Variants in ZBTB32 observed in about 807,000 individuals in gnomAD.
ZBTB32 encodes zinc finger and BTB domain containing 32.
A neutral mutation model predicts 45.3 loss-of-function variants in ZBTB32; 28 were observed. The observed-to-expected ratio is 0.62, with a 90% CI of 0.46 to 0.85. The LOEUF (loss-of-function observed/expected upper bound fraction) is 0.85, where lower values mean the gene tolerates loss of function less well. ZBTB32 is among the 40% of genes least tolerant of loss of function. The probability of loss-of-function intolerance (pLI) is 0.00; values close to 1 mark genes in which losing one functional copy is unlikely to be tolerated. For synonymous variants in ZBTB32, 283 were observed against 255.7 expected (o/e 1.11, Z -1.02); for missense variants, 587 against 624.4 (o/e 0.94, Z 0.64).
intron 3 of ZBTB32, 121 bp downstream of exon 3, chr19:35,715,628 C>G: frequency 1.4e-6 from 2 of 1,475,458 alleles, no homozygotes; most frequent in Non-Finnish European, 1.8e-6. Flanking sequence ...GGGGAAGAGA[C>G]AAGAAGCTGC....
At position 35,714,707 on chromosome 19, in the gene ZBTB32, A is replaced by G. The variant is rs769748916; in HGVS notation, c.81A>G (p.Ala27=). 5.0e-6 allele frequency: 8 copies of G among 1,613,076 alleles called. No individual in the cohort carries two copies. Among genetic ancestry groups the G allele is most frequent in the Non-Finnish European group, 6.8e-6 (8 of 1,179,656 alleles). Residue 27 remains alanine, a synonymous_variant, in exon 3 of 7, where the codon GCA becomes GCG. Coordinates refer to ENST00000392197, the MANE Select transcript of ZBTB32 (RefSeq NM_014383.3). ...LVQLAARLRP[A]LCDTLITVGS... ...AGCTAGCAGCCAGGCTCCGGCCAGC[A>G]CTCTGTGATACTCTGATCACCGTAG...
Position 35,714,804 on chromosome 19 carries a change from T to A in ZBTB32, c.178T>A (p.Trp60Arg). Reference protein sequence around the residue: ...VSQQLGRRGQWALGEGISPST... With the variant: ...VSQQLGRRGQRALGEGISPST... ...CCAGCAGCTGGGCCGCAGGGGCCAG[T>A]GGGCTCTGGGAGAAGGCATCAGCCC... Residue 60 changes from tryptophan to arginine, a missense_variant, in exon 3 of 7, where the codon TGG becomes AGG. Physicochemically the swap from Trp to Arg is moderately radical, Grantham distance 101. Coordinates refer to ENST00000392197, the MANE Select transcript of ZBTB32 (RefSeq NM_014383.3). 6.2e-7 allele frequency: 1 copy of A among 1,614,024 alleles called. No homozygotes were observed. The highest frequency in any genetic ancestry group is 8.5e-7 in the Non-Finnish European group (1 of 1,179,972).
rs1393856145 is a variant in ZBTB32, at chr19:35,717,008, A to G, written c.*256A>G. On this transcript the variant is annotated 3_prime_UTR_variant, in exon 7 of 7. Coordinates refer to ENST00000392197, the MANE Select transcript of ZBTB32 (RefSeq NM_014383.3). ...AGGGGAGATTGTCGATCTCATCACC[A>G]TAATAAAGAGTTTCCTGTGCCCTCC... is the stretch of plus-strand genomic sequence containing the variant. The G allele has an allele frequency of 3.7e-6, 2 of 541,396 alleles. No homozygotes were observed. The highest frequency in any genetic ancestry group is 1.9e-5 in the African/African-American group (1 of 52,868). The allele number at this position is 541,396 out of a possible 1,614,324, so 33.5% of individuals were successfully genotyped here. A position where few individuals can be genotyped will look rare whatever the true frequency, so the allele number is the denominator to read the frequency against.
In ZBTB32 at chr19:35,715,482, T is replaced by C. The variant is rs150792375; in HGVS notation, c.856T>C (p.Trp286Arg). 17 of 1,553,128 alleles carry C rather than the reference T, an allele frequency of 1.1e-5. No individual in the cohort carries two copies. Among genetic ancestry groups the C allele is most frequent in the Non-Finnish European group, 1.5e-5 (17 of 1,151,526 alleles). The change falls in exon 3 of 7, where the codon TGG (tryptophan) becomes CGG (arginine). Residue 286 changes from tryptophan to arginine, a missense_variant. Physicochemically the swap from Trp to Arg is moderately radical, Grantham distance 101. Coordinates refer to ENST00000392197, the MANE Select transcript of ZBTB32 (RefSeq NM_014383.3). ...FYHSTPTTGA[W>R]QEVWREQRIP... ...CCATAGCACCCCCACCACTGGAGCC[T>C]GGCAGGAGGTCTGGCGGGAACAGAG...
Position 35,716,561 on chromosome 19 carries a change from G to A in ZBTB32, c.1273G>A (p.Ala425Thr), listed in dbSNP as rs1568363332. The A allele has an allele frequency of 1.2e-6, 2 of 1,613,170 alleles. No homozygotes were observed. The highest frequency in any genetic ancestry group is 2.2e-5 in the East Asian group (1 of 44,862). ...AMTKHLRTHG[A>T]APYRCSLCGA... ...GACCAAGCACCTGCGGACACACGGG[G>A]CCGCTCCGTACCGCTGCTCCCTGTG... The change falls in exon 7 of 7, where the codon GCC (alanine) becomes ACC (threonine). Residue 425 changes from alanine (A) to threonine (T), a missense_variant. Ala to Thr is a moderately conservative substitution (Grantham distance 58). Transcript: ENST00000392197.
At chr19:35,714,294 C>T (rs1968789786) in intron 2 of ZBTB32, 1 of 215,372 alleles carries the variant, frequency 4.6e-6, no homozygotes, top group Non-Finnish European at 9.1e-6. Context: ...AACTGGCAGA[C>T]TTCCCGCACG....
In ZBTB32 at chr19:35,716,821, A is replaced by T. The variant is rs1429860828; in HGVS notation, c.*69A>T. The T allele has an allele frequency of 2.6e-6, 4 of 1,525,626 alleles. No individual in the cohort carries two copies. The highest frequency in any genetic ancestry group is 3.5e-6 in the Non-Finnish European group (4 of 1,131,092). The allele number at this position is 1,525,626 out of a possible 1,614,324, so 94.5% of individuals were successfully genotyped here. ...GAAAAGCGGGCCGGCTCGGCTTCTG[A>T]CCTGGCACCGCTGCTACGGCGGCCT... On this transcript the variant is annotated 3_prime_UTR_variant, in exon 7 of 7. Transcript: ENST00000392197.
intron 6 of ZBTB32, 38 bp from the exon 7 acceptor site, chr19:35,716,440 T>C (rs928844453): frequency 4.4e-6 from 7 of 1,588,912 alleles, no homozygotes; most frequent in Non-Finnish European, 6.0e-6. Flanking sequence ...CGCCGCCTTC[T>C]TCCTTCCTTC....
At chr19:35,709,519 GC>G (rs1276727695) in intron 1 of ZBTB32, among the ~76,000 whole-genome samples, 1 of 152,140 alleles carries the variant, frequency 6.6e-6, no homozygotes, top group African/African-American at 2.4e-5. Context: ...GCCAGGGTGT[GC>G]CCCGAGCCCC....
chr19:35,712,011 C>A (rs1224521388), intron 1 of ZBTB32, among the ~76,000 whole-genome samples: 1 of 113,478 alleles, frequency 8.8e-6, no homozygotes, highest in Admixed American at 1.3e-4. Context: ...GGAGACAGAG[C>A]GAGACTGCGT....
intron 1 of ZBTB32, among the ~76,000 whole-genome samples, chr19:35,709,177 T>C (rs1455813273): frequency 6.6e-6 from 1 of 152,158 alleles, no homozygotes; most frequent in Non-Finnish European, 1.5e-5. Context: ...TTAATCTATA[T>C]AAAATGCTGT....
intron 1 of ZBTB32, among the ~76,000 whole-genome samples, chr19:35,709,608 T>C (rs1968634583): frequency 6.6e-6 from 1 of 152,126 alleles, no homozygotes; most frequent in Non-Finnish European, 1.5e-5. Flanking sequence ...AGGCCAGGCG[T>C]GGTGCCTCAT....
rs1403575523 is a variant in ZBTB32 at position 35,712,967 on chromosome 19, C to G, written c.-171C>G. ...GAAACAACCATACCACTGAATGCTA[C>G]TGTGTACTTACAAACCACACTCATA... is the stretch of plus-strand genomic sequence containing the variant. On this transcript the variant is annotated 5_prime_UTR_variant, in exon 2 of 7. Coordinates refer to ENST00000392197, the MANE Select transcript of ZBTB32 (RefSeq NM_014383.3). 6.6e-6 allele frequency: 1 copy of G among 152,272 alleles called. No homozygotes were observed. Among genetic ancestry groups the G allele is most frequent in the African/African-American group, 2.4e-5 (1 of 41,472 alleles). The allele number at this position is 152,272 out of a possible 1,614,324, so 9.4% of individuals were successfully genotyped here.
intron 1 of ZBTB32, among the ~76,000 whole-genome samples, chr19:35,710,350 G>A (rs1296920804): frequency 1.3e-5 from 2 of 152,188 alleles, no homozygotes; most frequent in East Asian, 3.8e-4. Flanking sequence ...ACACAGGCTT[G>A]TGTCTGCATA....
rs1417933846 is a variant in ZBTB32, at chr19:35,714,528, A to G, written c.-99A>G. The G allele has an allele frequency of 2.3e-6, 3 of 1,329,630 alleles. No homozygotes were observed. The highest frequency in any genetic ancestry group is 3.0e-6 in the Non-Finnish European group (3 of 995,508). The allele number at this position is 1,329,630 out of a possible 1,614,324, so 82.4% of individuals were successfully genotyped here. The stretch of plus-strand genomic sequence containing the variant: ...CTCTCCCCTCACATCCACAGGCTTG[A>G]AATGAGATGAGATGTTCCTCCCTCC... On this transcript the variant is annotated 5_prime_UTR_variant, in exon 3 of 7. Transcript: ENST00000392197.
chr19:35,710,227 TA>T (rs1968651996), intron 1 of ZBTB32, among the ~76,000 whole-genome samples: 1 of 151,736 alleles, frequency 6.6e-6, no homozygotes, highest in Non-Finnish European at 1.5e-5. Flanking sequence ...AAAAAGAAAG[TA>T]ATATAAGTAT....
chr19:35,716,872 C>T lies in ZBTB32; in HGVS notation c.*120C>T. On this transcript the variant is annotated 3_prime_UTR_variant, in exon 7 of 7. Coordinates refer to ENST00000392197, the MANE Select transcript of ZBTB32 (RefSeq NM_014383.3). ...AGCAAATTCCGCCCCAGAAGCGCCCCAGGAAGGGCGCCGAGTGCCCTCTCC... is the reference window on the plus strand; with the variant it reads ...AGCAAATTCCGCCCCAGAAGCGCCCTAGGAAGGGCGCCGAGTGCCCTCTCC... The T allele has an allele frequency of 3.2e-6, 4 of 1,247,716 alleles. No individual in the cohort carries two copies. The highest frequency in any genetic ancestry group is 4.4e-6 in the Non-Finnish European group (4 of 909,572). The allele number at this position is 1,247,716 out of a possible 1,614,324, so 77.3% of individuals were successfully genotyped here.
chr19:35,709,063 G>A (rs192196642), intron 1 of ZBTB32, among the ~76,000 whole-genome samples: 24 of 152,092 alleles, frequency 1.6e-4, no homozygotes, highest in Admixed American at 1.4e-3. Flanking sequence ...CAGATGATCC[G>A]CTTGCCTCCA....
intron 1 of ZBTB32, among the ~76,000 whole-genome samples, chr19:35,706,251 T>C (rs114307284): frequency 0.018 from 2,712 of 149,314 alleles, 27 homozygotes; most frequent in Middle Eastern, 0.049. Flanking sequence ...AAAACTGGAA[T>C]TGGGTCATGT....
Sources: allele counts gnomAD v4.1 joint callset (sites outside exome capture counted in the v4.1 genomes callset), GRCh38; gene constraint gnomAD v4.1.1; transcripts MANE v1.5; gene names NCBI Gene and HGNC (gene_info 2026-07-23, HGNC 2026-07-21).